TBC1D5: variants seen among roughly 807,000 people sequenced by gnomAD.
The protein encoded by TBC1D5 is TBC1 domain family, member 5.
Under a neutral mutation model 100.3 loss-of-function variants are expected in TBC1D5, and 75 were observed. The ratio of observed to expected loss-of-function variants is 0.75; its 90% CI spans 0.62 to 0.91. TBC1D5 has a LOEUF of 0.91. Among genes scored for constraint, TBC1D5 ranks in the 40% least tolerant of loss-of-function variants. The pLI, the probability that TBC1D5 is intolerant of heterozygous loss-of-function variation, is 0.00. For synonymous variants in TBC1D5, 323 were observed against 325.6 expected (o/e 0.99, Z 0.09); for missense variants, 910 against 942.4 (o/e 0.97, Z 0.45).
intron 3 of TBC1D5, among the ~76,000 whole-genome samples, chr3:17,470,147 C>A (rs542284233): frequency 1.8e-4 from 28 of 152,306 alleles, no homozygotes; most frequent in African/African-American, 6.5e-4. Context: ...TTGCTACTTG[C>A]ATATTCCTTT....
chr3:17,446,148 T>G (rs1393873902), intron 3 of TBC1D5, among the ~76,000 whole-genome samples: 1 of 136,180 alleles, frequency 7.3e-6, no homozygotes, highest in African/African-American at 3.0e-5. Context: ...TAGATATCCT[T>G]TCTTTAGGTT....
At chr3:17,733,498 G>GC (rs1435006116) in intron 1 of TBC1D5, among the ~76,000 whole-genome samples, 6 of 152,086 alleles carry the variant, frequency 3.9e-5, no homozygotes. Context: ...ACTTGGGGGG[G>GC]GTGGAGCTAG....
At chr3:17,430,395 T>C (rs2094427641) in intron 3 of TBC1D5, among the ~76,000 whole-genome samples, 1 of 151,816 alleles carries the variant, frequency 6.6e-6, no homozygotes, top group African/African-American at 2.4e-5. Flanking sequence ...ATTAAGAGAA[T>C]TTGGCTTTAT....
chr3:17,352,677 A>G (rs2090742727), intron 13 of TBC1D5, among the ~76,000 whole-genome samples: 1 of 144,572 alleles, frequency 6.9e-6, no homozygotes. Flanking sequence ...AATACAAAGC[A>G]AAAGGCAAAA....
chr3:17,420,249 CT>C (rs2094177001), intron 4 of TBC1D5, among the ~76,000 whole-genome samples: 1 of 151,656 alleles, frequency 6.6e-6, no homozygotes, highest in South Asian at 2.1e-4. Flanking sequence ...TGAAAAAGCA[CT>C]TGTGAAAAAG....
chr3:17,239,334 A>T (rs2076124479), intron 16 of TBC1D5, among the ~76,000 whole-genome samples: 1 of 151,950 alleles, frequency 6.6e-6, no homozygotes, highest in Non-Finnish European at 1.5e-5. Context: ...TTATTCCTGC[A>T]TCCTCCTCTC....
At chr3:17,646,404 C>T (rs530459444) in intron 1 of TBC1D5, among the ~76,000 whole-genome samples, 1 of 152,202 alleles carries the variant, frequency 6.6e-6, no homozygotes, top group South Asian at 2.1e-4. Context: ...CTAAACAGCA[C>T]CATAAACTGA....
At chr3:17,651,710 A>T (rs939404597) in intron 1 of TBC1D5, among the ~76,000 whole-genome samples, 28 of 151,202 alleles carry the variant, frequency 1.9e-4, no homozygotes, top group African/African-American at 4.1e-4. Flanking sequence ...AAAAAAAAAA[A>T]TTTTTTTTTA....
intron 2 of TBC1D5, among the ~76,000 whole-genome samples, chr3:17,581,668 T>C (rs2096697839): frequency 6.6e-6 from 1 of 152,202 alleles, no homozygotes; most frequent in Non-Finnish European, 1.5e-5. Context: ...ACCTGGAATC[T>C]TCTACATGAT....
At chr3:17,706,578 T>TCC (rs1340290136) in intron 1 of TBC1D5, among the ~76,000 whole-genome samples, 4 of 152,238 alleles carry the variant, frequency 2.6e-5, no homozygotes, top group Non-Finnish European at 4.4e-5. Context: ...TTTCAACAAT[T>TCC]AAGGATTAAC....
intron 2 of TBC1D5, among the ~76,000 whole-genome samples, chr3:17,544,820 T>C (rs1044716447): frequency 8.5e-5 from 13 of 152,272 alleles, no homozygotes; most frequent in Admixed American, 3.3e-4. Flanking sequence ...TACCACTAGA[T>C]GGAAACCAGT....
intron 1 of TBC1D5, among the ~76,000 whole-genome samples, chr3:17,649,351 G>A (rs796628866): frequency 4.6e-5 from 7 of 152,140 alleles, no homozygotes; most frequent in African/African-American, 1.4e-4. Context: ...GAGACGAGCA[G>A]AAAAGGTAAT....
chr3:17,408,034 T>C (rs986470729), intron 4 of TBC1D5, among the ~76,000 whole-genome samples: 1 of 152,068 alleles, frequency 6.6e-6, no homozygotes, highest in African/African-American at 2.4e-5. Context: ...CAGTACAGGA[T>C]AGTGGTTAAG....
chr3:17,332,774 A>G (rs1272421877), intron 13 of TBC1D5, among the ~76,000 whole-genome samples: 1 of 152,172 alleles, frequency 6.6e-6, no homozygotes, highest in Non-Finnish European at 1.5e-5. Flanking sequence ...GTAATGAAAT[A>G]AAAATTGATA....
chr3:17,415,260 C>T (rs2094036036), intron 4 of TBC1D5, among the ~76,000 whole-genome samples: 1 of 152,142 alleles, frequency 6.6e-6, no homozygotes. Flanking sequence ...GGGTTCAAAC[C>T]ATTCTCCTGC....
At chr3:17,546,783 CAAA>C (rs758349149) in intron 2 of TBC1D5, among the ~76,000 whole-genome samples, 8 of 70,202 alleles carry the variant, frequency 1.1e-4, no homozygotes, top group Admixed American at 1.6e-4. Flanking sequence ...GACTCCATCT[CAAA>C]AAAAAAAAAA....
At chr3:17,221,887 G>C (rs1053312708) in intron 17 of TBC1D5, among the ~76,000 whole-genome samples, 14 of 152,184 alleles carry the variant, frequency 9.2e-5, no homozygotes, top group African/African-American at 3.4e-4. Flanking sequence ...GTCAGCAAGA[G>C]AAAACTTCTC....
At chr3:17,339,592 G>A (rs1318109463) in intron 13 of TBC1D5, among the ~76,000 whole-genome samples, 1 of 152,112 alleles carries the variant, frequency 6.6e-6, no homozygotes, top group African/African-American at 2.4e-5. Flanking sequence ...TATTCCCATG[G>A]TCAGTAATTA....
At chr3:17,733,032 A>G (rs560732914) in intron 1 of TBC1D5, among the ~76,000 whole-genome samples, 3 of 152,234 alleles carry the variant, frequency 2.0e-5, no homozygotes, top group African/African-American at 7.2e-5. Flanking sequence ...GGAGGTAAGG[A>G]GCAATTTTCT....
Sources: gnomAD v4.1 joint callset for allele counts (sites outside exome capture counted in the v4.1 genomes callset) on GRCh38, gnomAD v4.1.1 for gene constraint, MANE v1.5 for transcripts, NCBI Gene and HGNC (gene_info 2026-07-23, HGNC 2026-07-21) for gene names.